The following CUL2 variants were observed in gnomAD, a reference collection of about 807,000 sequenced individuals.
CUL2 encodes cullin-2.
CUL2 carries 22 observed loss-of-function variants against 110.2 expected under a neutral mutation model. The observed-to-expected ratio is 0.20, with a 90% CI of 0.14 to 0.28. The LOEUF is 0.28. Among genes scored for constraint, CUL2 ranks in the 10% least tolerant of loss-of-function variants. The pLI is 1.00. For synonymous variants in CUL2, 279 were observed against 293.2 expected, an observed-to-expected ratio of 0.95 and a Z score of 0.49; for missense variants, 631 against 905.5, an observed-to-expected ratio of 0.70 and a Z score of 3.89.
At chr10:35,044,187 AAAGG>A (rs1167837189) in intron 8 of CUL2, among the ~76,000 whole-genome samples, 1 of 152,094 alleles carries the variant, frequency 6.6e-6, no homozygotes, top group African/African-American at 2.4e-5. Flanking sequence ...CTCTCATTTT[AAAGG>A]AAGAAAAAAA....
At chr10:35,012,814 C>T (rs1030749095) in intron 19 of CUL2, among the ~76,000 whole-genome samples, 1 of 152,174 alleles carries the variant, frequency 6.6e-6, no homozygotes, top group Non-Finnish European at 1.5e-5. Context: ...AAGGACTGCA[C>T]ACCGGAGGCA....
At chr10:35,080,819 T>C (rs979922889) in intron 1 of CUL2, among the ~76,000 whole-genome samples, 63 of 152,122 alleles carry the variant, frequency 4.1e-4, no homozygotes, top group African/African-American at 1.3e-3. Context: ...AACAGACATA[T>C]GGTGTGTGCC....
At chr10:35,015,293 CAAAAAAA>C (rs201140168) in intron 18 of CUL2, among the ~76,000 whole-genome samples, 1 of 80,806 alleles carries the variant, frequency 1.2e-5, no homozygotes, top group Non-Finnish European at 2.5e-5. Flanking sequence ...AACTCCGTCT[CAAAAAAA>C]AAAAAAAAAA....
chr10:35,074,684 C>T (rs1048955421), intron 1 of CUL2, among the ~76,000 whole-genome samples: 1 of 152,162 alleles, frequency 6.6e-6, no homozygotes, highest in African/African-American at 2.4e-5. Flanking sequence ...CAGGGTTTCA[C>T]CATGTTGGCC....
At chr10:35,100,925 A>G (rs1208825576) in exon 2 of CUL2, 1 of 152,014 alleles carries the variant, frequency 6.6e-6, no homozygotes, top group African/African-American at 2.4e-5. Flanking sequence ...TTTCCTCTCT[A>G]TATCACAGGG....
chr10:35,101,630 C>G (rs1230629515), intron 1 of CUL2, among the ~76,000 whole-genome samples: 1 of 152,208 alleles, frequency 6.6e-6, no homozygotes, highest in Non-Finnish European at 1.5e-5. Flanking sequence ...GGTCCTCTCA[C>G]AGCTCAGTGA....
intron 3 of CUL2, among the ~76,000 whole-genome samples, chr10:35,062,386 A>T (rs111617297): frequency 6.6e-6 from 1 of 152,148 alleles, no homozygotes; most frequent in Non-Finnish European, 1.5e-5. Context: ...AGGAATAAAA[A>T]ACGAGGGAAA....
intron 1 of CUL2, among the ~76,000 whole-genome samples, chr10:35,072,880 T>G (rs1285233329): frequency 6.6e-6 from 1 of 152,162 alleles, no homozygotes; most frequent in East Asian, 1.9e-4. Context: ...CAACCTAGTC[T>G]GTAGCCAAGG....
At chr10:35,075,865 C>A (rs897618186) in intron 1 of CUL2, among the ~76,000 whole-genome samples, 1 of 151,976 alleles carries the variant, frequency 6.6e-6, no homozygotes, top group South Asian at 2.1e-4. Flanking sequence ...ATAATAATTA[C>A]AAAAGTGAAT....
At chr10:35,072,710 C>T (rs1028245326) in intron 1 of CUL2, among the ~76,000 whole-genome samples, 4 of 152,172 alleles carry the variant, frequency 2.6e-5, no homozygotes, top group African/African-American at 9.7e-5. Flanking sequence ...CTGCCTCAGA[C>T]AAACTGCATT....
At position 35,028,956 on chromosome 10, in the gene CUL2, T is replaced by C. The variant is rs543981616; in HGVS notation, c.1540-69A>G. ...ATCTAAATTCAAAGTAAATATTTAT[T>C]AAATAATCTAAGCATCTAAAACATT... On this transcript the variant is annotated intron_variant, in intron 15 of 20. Coordinates refer to ENST00000374749, the MANE Select transcript of CUL2 (RefSeq NM_003591.4). 36 of 941,670 alleles carry C rather than the reference T, an allele frequency of 3.8e-5. No individual in the cohort carries two copies. In the African/African-American group the frequency reaches 5.7e-4, roughly 15 times the overall value. The allele number at this position is 941,670 out of a possible 1,614,324, so 58.3% of individuals were successfully genotyped here. A position where few individuals can be genotyped will look rare whatever the true frequency, so the allele number is the denominator to read the frequency against.
intron 2 of CUL2, among the ~76,000 whole-genome samples, chr10:35,066,770 G>A (rs2086539860): frequency 1.3e-5 from 2 of 152,228 alleles, no homozygotes; most frequent in Non-Finnish European, 2.9e-5. Context: ...AATAGGGTCA[G>A]GCAGTTGCTG....
chr10:35,119,559 A>ATTTT (rs1207931893), intron 1 of CUL2, among the ~76,000 whole-genome samples: 67 of 132,706 alleles, frequency 5.0e-4, no homozygotes, highest in African/African-American at 1.7e-3. Flanking sequence ...TTTAAAATTA[A>ATTTT]TTTTATTTAT....
intron 1 of CUL2, among the ~76,000 whole-genome samples, chr10:35,113,425 G>T (rs1224220408): frequency 1.4e-5 from 2 of 145,124 alleles, no homozygotes; most frequent in Admixed American, 1.4e-4. Flanking sequence ...TTGAACCTGG[G>T]AGGTGGAGGT....
chr10:35,086,605 A>T (rs535160621), intron 1 of CUL2, among the ~76,000 whole-genome samples: 2 of 152,002 alleles, frequency 1.3e-5, no homozygotes, highest in East Asian at 3.9e-4. Flanking sequence ...CTTTTTAAAC[A>T]ACTCCACACC....
At chr10:35,096,952 G>T (rs2087307824) in intron 2 of CUL2, among the ~76,000 whole-genome samples, 1 of 151,918 alleles carries the variant, frequency 6.6e-6, no homozygotes, top group African/African-American at 2.4e-5. Context: ...TGGGATTACA[G>T]ACGCCTTCCA....
At chr10:35,096,480 G>A (rs1297801890) in intron 2 of CUL2, among the ~76,000 whole-genome samples, 1 of 152,060 alleles carries the variant, frequency 6.6e-6, no homozygotes, top group Non-Finnish European at 1.5e-5. Context: ...GGGTATGGTG[G>A]TGCATGCCTG....
At chr10:35,095,103 G>C (rs1249712093), upstream of CUL2, among the ~76,000 whole-genome samples, 1 of 151,952 alleles carries the variant, frequency 6.6e-6, no homozygotes. Flanking sequence ...ATCACTTGAG[G>C]TAAGGTGGAT....
chr10:35,013,892 G>C lies in CUL2; in HGVS notation c.1888-92C>G, dbSNP rs1036949371. 1.6e-5 allele frequency: 14 copies of C among 887,880 alleles called. No individual in the cohort carries two copies. In the African/African-American group the frequency reaches 2.4e-4, roughly 15 times the overall value. The allele number at this position is 887,880 out of a possible 1,614,324, so 55.0% of individuals were successfully genotyped here. ...GCAATTCTGCTAAATTAATGACCAAGCAAAAAAGCCTCCACTCTCATAACT... is the reference window on the plus strand; with the variant it reads ...GCAATTCTGCTAAATTAATGACCAACCAAAAAAGCCTCCACTCTCATAACT... On this transcript the variant is annotated intron_variant, in intron 18 of 20. Coordinates refer to ENST00000374749, the MANE Select transcript of CUL2 (RefSeq NM_003591.4).
Sources: allele counts gnomAD v4.1 joint callset (sites outside exome capture counted in the v4.1 genomes callset), GRCh38; gene constraint gnomAD v4.1.1; transcripts MANE v1.5; gene names NCBI Gene and HGNC (gene_info 2026-07-23, HGNC 2026-07-21).